OVCH1: variants seen among roughly 807,000 people sequenced by gnomAD.
The protein encoded by OVCH1 is ovochymase-1.
In OVCH1, 139 loss-of-function variants were observed where a neutral mutation model predicts 138.4. The observed-to-expected ratio is 1.00, with a 90% CI of 0.87 to 1.16. The LOEUF is 1.16. Ranked by LOEUF, OVCH1 falls within the 50% of genes most tolerant of loss-of-function variation. OVCH1 has a pLI of 0.00. For missense variants in OVCH1, 1,367 were observed against 1,357.9 expected (o/e 1.01, Z -0.11); for synonymous variants, 453 against 467.8 (o/e 0.97, Z 0.41).
chr12:29,431,846 AC>A (rs139816702), intron 27 of OVCH1, among the ~76,000 whole-genome samples: 227 of 152,334 alleles, frequency 1.5e-3, no homozygotes, highest in African/African-American at 5.4e-3. Flanking sequence ...AGAGTCTCTT[AC>A]CTGAGTTAAC....
At chr12:29,483,628 C>A (rs112558234) in intron 8 of OVCH1, among the ~76,000 whole-genome samples, 1 of 152,246 alleles carries the variant, frequency 6.6e-6, no homozygotes, top group African/African-American at 2.4e-5. Context: ...ACCCCAGTTC[C>A]CATTCACATT....
intron 3 of OVCH1, among the ~76,000 whole-genome samples, chr12:29,416,241 T>C (rs1235547060): frequency 6.6e-6 from 1 of 151,632 alleles, no homozygotes; most frequent in African/African-American, 2.4e-5. Flanking sequence ...AAGGAAAAAA[T>C]CTAGGGATGG....
At chr12:29,432,805 AAGG>A (rs1474160315) in intron 27 of OVCH1, among the ~76,000 whole-genome samples, 1 of 152,152 alleles carries the variant, frequency 6.6e-6, no homozygotes. Context: ...CAAGACTCTG[AAGG>A]AGACCAGTGA....
intron 3 of OVCH1, among the ~76,000 whole-genome samples, chr12:29,413,692 TG>T (rs201016503): frequency 9.6e-6 from 1 of 104,146 alleles, no homozygotes; most frequent in South Asian, 3.0e-4. Context: ...ACACACACAT[TG>T]GTTTTCCCAT....
At chr12:29,465,274 G>T in intron 16 of OVCH1, 55 bp from the exon 17 acceptor site, 2 of 1,413,014 alleles carry the variant, frequency 1.4e-6, no homozygotes, top group Non-Finnish European at 1.9e-6. Flanking sequence ...GTATTAGTTT[G>T]TTCTCACACT....
intron 19 of OVCH1, among the ~76,000 whole-genome samples, chr12:29,461,460 T>C (rs996836922): frequency 1.3e-5 from 2 of 152,220 alleles, no homozygotes; most frequent in African/African-American, 4.8e-5. Flanking sequence ...TTAATGATAA[T>C]TTAAAACAAT....
chr12:29,461,408 T>C (rs1044160316), intron 19 of OVCH1, among the ~76,000 whole-genome samples: 36 of 152,358 alleles, frequency 2.4e-4, no homozygotes, highest in African/African-American at 8.7e-4. Context: ...GACATCTTTG[T>C]GATTATTTTA....
At chr12:29,443,182 A>G (rs1941531712) in intron 25 of OVCH1, among the ~76,000 whole-genome samples, 179 bp downstream of exon 25, 1 of 152,088 alleles carries the variant, frequency 6.6e-6, no homozygotes, top group African/African-American at 2.4e-5. Flanking sequence ...ACTAAACCTG[A>G]GGAGATTTTA....
At chr12:29,445,300 G>C in exon 23 of OVCH1, 1 of 1,611,604 alleles carries the variant, frequency 6.2e-7, no homozygotes, top group Non-Finnish European at 8.5e-7. Context: ...AGACAATATA[G>C]CTTATACCAA....
chr12:29,441,976 G>A (rs1941496685), intron 25 of OVCH1, among the ~76,000 whole-genome samples: 1 of 151,864 alleles, frequency 6.6e-6, no homozygotes, highest in African/African-American at 2.4e-5. Context: ...GAAACAACAG[G>A]TGCTGGAGAG....
chr12:29,489,897 T>A, intron 5 of OVCH1, 126 bp from the exon 6 acceptor site: 1 of 1,056,066 alleles, frequency 9.5e-7, no homozygotes, highest in African/African-American at 1.6e-5. Flanking sequence ...TGTTTTTAGG[T>A]GTGAATCATA....
chr12:29,431,849 T>G (rs1436314), intron 27 of OVCH1, among the ~76,000 whole-genome samples: 26,277 of 152,208 alleles, frequency 0.17, 2,538 homozygotes, highest in African/African-American at 0.27. Flanking sequence ...GTCTCTTACC[T>G]GAGTTAACCC....
chr12:29,465,103 C>T, intron 17 of OVCH1, 44 bp downstream of exon 17: 3 of 1,505,594 alleles, frequency 2.0e-6, no homozygotes, highest in South Asian at 1.2e-5. Flanking sequence ...CATGTGACAA[C>T]ATTTAGATTA....
At chr12:29,424,968 G>A (rs764588103), downstream of OVCH1, among the ~76,000 whole-genome samples, 4 of 152,128 alleles carry the variant, frequency 2.6e-5, no homozygotes, top group Non-Finnish European at 5.9e-5. Context: ...GGCAACATGG[G>A]ATCCTTAACA....
chr12:29,403,275 T>C, the OVCH1 span, among the ~76,000 whole-genome samples: 1 of 152,222 alleles, frequency 6.6e-6, no homozygotes, highest in Non-Finnish European at 1.5e-5. Context: ...AATCACAATA[T>C]TGAGTTCTAT....
chr12:29,443,229 AG>A (rs1473148295), intron 25 of OVCH1, 131 bp downstream of exon 25: 8 of 850,068 alleles, frequency 9.4e-6, no homozygotes, highest in Non-Finnish European at 1.4e-5. Context: ...TTTAACAGTA[AG>A]TCTATTTCAA....
At chr12:29,426,267 C>A (rs768304835), downstream of OVCH1, among the ~76,000 whole-genome samples, 8 of 152,058 alleles carry the variant, frequency 5.3e-5, no homozygotes, top group Non-Finnish European at 1.2e-4. Context: ...ATCCATCAAC[C>A]CTTTAAAAAG....
chr12:29,439,464 A>C, intron 25 of OVCH1: 1 of 1,475,878 alleles, frequency 6.8e-7, no homozygotes, highest in East Asian at 2.5e-5. Context: ...ACAAACAAAC[A>C]AACAAACAAA....
exon 20 of OVCH1, chr12:29,455,346 G>A: frequency 6.2e-7 from 1 of 1,613,852 alleles, no homozygotes; most frequent in Non-Finnish European, 8.5e-7. Flanking sequence ...AGCTGACAAT[G>A]CCATAGAGGA....
Sources: allele counts gnomAD v4.1 joint callset (sites outside exome capture counted in the v4.1 genomes callset), GRCh38; gene constraint gnomAD v4.1.1; transcripts MANE v1.5; gene names NCBI Gene and HGNC (gene_info 2026-07-23, HGNC 2026-07-21).